MTURN: variants seen among roughly 807,000 people sequenced by gnomAD.
MTURN encodes maturin.
MTURN carries 7 observed loss-of-function variants against 14.9 expected under a neutral mutation model. That is an observed-to-expected ratio of 0.47 (90% CI 0.27 to 0.88). The LOEUF is 0.88. MTURN is among the 40% of genes least tolerant of loss of function. The pLI, the probability that MTURN is intolerant of heterozygous loss-of-function variation, is 0.14. For missense variants in MTURN, 151 were observed against 174.1 expected (o/e 0.87, Z 0.75); for synonymous variants, 69 against 72.5 (o/e 0.95, Z 0.25).
intron 2 of MTURN, among the ~76,000 whole-genome samples, chr7:30,154,464 T>C (rs1797256002): frequency 6.6e-6 from 1 of 152,168 alleles, no homozygotes; most frequent in Non-Finnish European, 1.5e-5. Context: ...AGAGATAATA[T>C]AGCTAGATTA....
chr7:30,150,263 T>C (rs1463863844), intron 2 of MTURN, among the ~76,000 whole-genome samples: 1 of 152,164 alleles, frequency 6.6e-6, no homozygotes, highest in Non-Finnish European at 1.5e-5. Context: ...CAAAATACTG[T>C]GGAGAAGTGA....
intron 1 of MTURN, among the ~76,000 whole-genome samples, chr7:30,138,199 T>C (rs1199695463): frequency 2.6e-5 from 4 of 152,172 alleles, no homozygotes; most frequent in Non-Finnish European, 4.4e-5. Flanking sequence ...CACTGCACCC[T>C]CTGCCTCCCG....
chr7:30,138,702 A>C (rs1797003841), intron 1 of MTURN, among the ~76,000 whole-genome samples: 1 of 152,074 alleles, frequency 6.6e-6, no homozygotes, highest in South Asian at 2.1e-4. Flanking sequence ...AATATAAGCC[A>C]GATCATGTCA....
chr7:30,146,422 C>A, intron 2 of MTURN, 123 bp downstream of exon 2: 1 of 1,396,102 alleles, frequency 7.2e-7, no homozygotes, highest in Non-Finnish European at 9.7e-7. Context: ...CTTGTCTGTC[C>A]TGTGGCTTAG....
rs773950391 is a variant in MTURN, at chr7:30,156,838, C to CT, written c.286-599dup. Reference sequence around the variant, plus strand: ...GACTCCCTCTCAAAAAAAAAAAACTCTGTCATAATAAAAGTGCAATTTTGT... The same window carrying CT: ...GACTCCCTCTCAAAAAAAAAAAACTCTTGTCATAATAAAAGTGCAATTTTGT... On this transcript the variant is annotated intron_variant, in intron 2 of 2. Transcript: ENST00000324453. 6.6e-4 allele frequency among the ~76,000 whole-genome samples: 96 copies of CT among 144,500 alleles called. 1 individual carries two copies. The highest frequency in any genetic ancestry group is 1.2e-3 in the Non-Finnish European group (81 of 65,200). The allele number at this position is 144,500 out of a possible 152,430, so 94.8% of individuals were successfully genotyped here.
In MTURN at chr7:30,159,632, G is replaced by A. The variant is rs1445951541; in HGVS notation, c.*2084G>A. 1.3e-5 allele frequency: 2 copies of A among 152,558 alleles called. No individual in the cohort carries two copies. The highest frequency in any genetic ancestry group is 4.8e-5 in the African/African-American group (2 of 41,402). The allele number at this position is 152,558 out of a possible 1,614,324, so 9.5% of individuals were successfully genotyped here. On this transcript the variant is annotated 3_prime_UTR_variant, in exon 3 of 3. Coordinates refer to ENST00000324453, the MANE Select transcript of MTURN (RefSeq NM_152793.3). ...GATAGATAGACTCGGCCATTCTGTG[G>A]GCTGATGAGAATTCTGGGCTTTGTT... is the stretch of plus-strand genomic sequence containing the variant.
Position 30,146,260 on chromosome 7 carries a change from C to T in MTURN, c.246C>T (p.Leu82=), listed in dbSNP as rs569025324. Residue 82 remains leucine, a synonymous_variant, in exon 2 of 3, where the codon CTC becomes CTT. Coordinates refer to ENST00000324453, the MANE Select transcript of MTURN (RefSeq NM_152793.3). The part of the protein sequence containing the change: ...DYISSCGKKT[L]HEVLEKVFKS... ...TCTCCTCCTGCGGCAAGAAGACGCT[C>T]CACGAAGTCCTGGAAAAAGTCTTCA... 3 of 1,614,092 alleles carry T rather than the reference C, an allele frequency of 1.9e-6. No individual in the cohort carries two copies. Among genetic ancestry groups the T allele is most frequent in the African/African-American group, 2.7e-5 (2 of 75,034 alleles).
At chr7:30,136,432 G>A (rs1796962842) in intron 1 of MTURN, among the ~76,000 whole-genome samples, 1 of 152,188 alleles carries the variant, frequency 6.6e-6, no homozygotes, top group Non-Finnish European at 1.5e-5. Context: ...GTGGTCGCGG[G>A]CCTTGTGGGC....
rs1299257562 is a variant in MTURN, at chr7:30,160,660, A to G, written c.*3112A>G. The G allele has an allele frequency of 3.9e-5, 6 of 152,304 alleles. No homozygotes were observed. Among genetic ancestry groups the G allele is most frequent in the Non-Finnish European group, 5.9e-5 (4 of 68,098 alleles). The allele number at this position is 152,304 out of a possible 1,614,324, so 9.4% of individuals were successfully genotyped here. A position where few individuals can be genotyped will look rare whatever the true frequency, so the allele number is the denominator to read the frequency against. On this transcript the variant is annotated 3_prime_UTR_variant, in exon 3 of 3. Coordinates refer to ENST00000324453, the MANE Select transcript of MTURN (RefSeq NM_152793.3). ...TTCACTGGGCCAGCTCTGAAATCCA[A>G]AATCATGCCTTGATAACATTACAAA...
At position 30,156,383 on chromosome 7, in the gene MTURN, G is replaced by A. The variant is rs1024093411; in HGVS notation, c.286-1055G>A. Among the ~76,000 whole-genome samples, 4 of 152,048 alleles carry A rather than the reference G, an allele frequency of 2.6e-5. No individual in the cohort carries two copies. In the South Asian group the frequency reaches 6.2e-4, roughly 24 times the overall value. The stretch of plus-strand genomic sequence containing the variant: ...ATGTGTATAAATTTTAAGAACTCCG[G>A]GTCAGGTGTGGTGGCTCATGCTTGT... On this transcript the variant is annotated intron_variant, in intron 2 of 2. Transcript: ENST00000324453.
intron 2 of MTURN, among the ~76,000 whole-genome samples, chr7:30,155,389 C>CAG (rs749911108): frequency 3.9e-5 from 6 of 152,200 alleles, no homozygotes; most frequent in Non-Finnish European, 8.8e-5. Flanking sequence ...TGTCATCGAG[C>CAG]AGCTCTCCAA....
intron 2 of MTURN, among the ~76,000 whole-genome samples, chr7:30,156,337 T>C (rs1011624967): frequency 1.3e-5 from 2 of 152,334 alleles, no homozygotes; most frequent in African/African-American, 2.4e-5. Context: ...TGTATTTTAC[T>C]GAAGTCTTTT....
intron 1 of MTURN, chr7:30,137,568 G>T: frequency 2.1e-6 from 1 of 470,746 alleles, no homozygotes; most frequent in Non-Finnish European, 4.4e-6. Context: ...GAAAGATAGA[G>T]GATGGGGGTG....
At chr7:30,155,179 A>T (rs1482483714) in intron 2 of MTURN, among the ~76,000 whole-genome samples, 1 of 151,888 alleles carries the variant, frequency 6.6e-6, no homozygotes, top group East Asian at 1.9e-4. Flanking sequence ...GAATCCTGAA[A>T]CTCCAGGCAG....
chr7:30,154,851 CAGT>C (rs1797263531), intron 2 of MTURN, among the ~76,000 whole-genome samples: 1 of 152,116 alleles, frequency 6.6e-6, no homozygotes, highest in Non-Finnish European at 1.5e-5. Flanking sequence ...GGGGACCTGT[CAGT>C]AGATGTGCTG....
At chr7:30,137,750 T>G (rs1796988364) in intron 1 of MTURN, 1 of 453,162 alleles carries the variant, frequency 2.2e-6, no homozygotes, top group African/African-American at 2.0e-5. Context: ...TCTTTTCTTT[T>G]TCCCTGGAAA....
intron 1 of MTURN, among the ~76,000 whole-genome samples, chr7:30,139,592 G>A (rs1797017716): frequency 6.6e-6 from 1 of 152,122 alleles, no homozygotes; most frequent in African/African-American, 2.4e-5. Context: ...GAGTTTAAGA[G>A]ATTCATCCAG....
intron 1 of MTURN, among the ~76,000 whole-genome samples, chr7:30,142,836 C>G (rs577613800): frequency 6.6e-6 from 1 of 152,216 alleles, no homozygotes; most frequent in African/African-American, 2.4e-5. Context: ...CAGTACTTTC[C>G]GTACCCAGAT....
chr7:30,152,288 A>G (rs1797223739), intron 2 of MTURN, among the ~76,000 whole-genome samples: 1 of 151,326 alleles, frequency 6.6e-6, no homozygotes, highest in South Asian at 2.1e-4. Flanking sequence ...TTTTTTCCTT[A>G]GGGTCAAGAA....
Sources: allele counts gnomAD v4.1 joint callset (sites outside exome capture counted in the v4.1 genomes callset), GRCh38; gene constraint gnomAD v4.1.1; transcripts MANE v1.5; gene names NCBI Gene and HGNC (gene_info 2026-07-23, HGNC 2026-07-21).